CPSF6: variants seen among roughly 807,000 people sequenced by gnomAD.
CPSF6 encodes cleavage and polyadenylation specific factor 6.
In CPSF6, 10 loss-of-function variants were observed where a neutral mutation model predicts 56.7. The observed-to-expected ratio is 0.18, with a 90% CI of 0.11 to 0.30. The LOEUF (loss-of-function observed/expected upper bound fraction) is 0.30, where lower values mean the gene tolerates loss of function less well. Ranked by LOEUF, CPSF6 falls within the 10% of genes least tolerant of loss-of-function variation. CPSF6 has a pLI of 1.00. For missense variants in CPSF6, 419 were observed against 722.9 expected (o/e 0.58, Z 4.82); for synonymous variants, 248 against 244.8 (o/e 1.01, Z -0.12).
At position 69,262,529 on chromosome 12, in the gene CPSF6, T is replaced by G; in HGVS notation, c.1626T>G (p.Arg542=). The part of the protein sequence containing the change: ...RDRDRDRDRE[R]DREREYRHR ...GTGACCGAGACCGTGACCGAGAGCG[T>G]GACCGAGAGCGCGAATATCGTCATC... Residue 542 remains arginine (R), a synonymous_variant, in exon 9 of 10, where the codon CGT becomes CGG. Transcript: ENST00000435070. 1 of 1,613,576 alleles carries G rather than the reference T, an allele frequency of 6.2e-7. No individual in the cohort carries two copies. The highest frequency in any genetic ancestry group is 1.3e-5 in the African/African-American group (1 of 74,982).
rs1263425675 is a variant in CPSF6, at chr12:69,245,296, G to A, written c.60+5590G>A. ...GTGAGGAATGCATTGGGCTAAGATC[G>A]CTAAACAATAGTAATTTTTCAGCTC... On this transcript the variant is annotated intron_variant, in intron 1 of 9. Coordinates refer to ENST00000435070, the MANE Select transcript of CPSF6 (RefSeq NM_007007.3). Among the ~76,000 whole-genome samples the A allele has an allele frequency of 2.6e-5, 4 of 151,950 alleles. No homozygotes were observed. In the South Asian group the frequency reaches 6.2e-4, roughly 24 times the overall value.
rs1160175495 is a variant in CPSF6, at chr12:69,273,825, CTAT to C, written c.*4322_*4324del. Reference sequence around the variant, plus strand: ...ATAACTTTAGCCTTAAAAAAAAGGTCTATTATTCCTTCCTCTGCATCCCATGGT... The same window carrying C: ...ATAACTTTAGCCTTAAAAAAAAGGTCTATTCCTTCCTCTGCATCCCATGGT... On this transcript the variant is annotated 3_prime_UTR_variant, in exon 10 of 10. Coordinates refer to ENST00000435070, the MANE Select transcript of CPSF6 (RefSeq NM_007007.3). The C allele has an allele frequency of 1.3e-5, 2 of 151,824 alleles. No individual in the cohort carries two copies. The highest frequency in any genetic ancestry group is 2.9e-5 in the Non-Finnish European group (2 of 67,834). The allele number at this position is 151,824 out of a possible 1,614,324, so 9.4% of individuals were successfully genotyped here. A position where few individuals can be genotyped will look rare whatever the true frequency, so the allele number is the denominator to read the frequency against.
At chr12:69,253,664 T>A (rs1872361173) in intron 3 of CPSF6, among the ~76,000 whole-genome samples, 1 of 152,184 alleles carries the variant, frequency 6.6e-6, no homozygotes, top group South Asian at 2.1e-4. Context: ...AAGATTCTTT[T>A]GGGCTTTTTC....
At chr12:69,250,379 G>A (rs2120491086) in intron 1 of CPSF6, among the ~76,000 whole-genome samples, 1 of 151,698 alleles carries the variant, frequency 6.6e-6, no homozygotes, top group Middle Eastern at 3.4e-3. Flanking sequence ...AAAGTTTCAT[G>A]TTACTTATTT....
chr12:69,274,146 A>G lies in CPSF6; in HGVS notation c.*4638A>G, dbSNP rs1873395548. ...TTTTTTTGCTGTCCATGAGAATTAGACTTCATATTAGCTTCAATTAAAAAG... is the reference window on the plus strand; with the variant it reads ...TTTTTTTGCTGTCCATGAGAATTAGGCTTCATATTAGCTTCAATTAAAAAG... On this transcript the variant is annotated 3_prime_UTR_variant, in exon 10 of 10. Transcript: ENST00000435070. 7.7e-6 allele frequency: 1 copy of G among 130,338 alleles called. No homozygotes were observed. The highest frequency in any genetic ancestry group is 2.9e-5 in the African/African-American group (1 of 34,484). The allele number at this position is 130,338 out of a possible 1,614,324, so 8.1% of individuals were successfully genotyped here.
At position 69,259,749 on chromosome 12, in the gene CPSF6, A is replaced by T. The variant is rs551644525; in HGVS notation, c.1315+206A>T. On this transcript the variant is annotated intron_variant, in intron 7 of 9. Coordinates refer to ENST00000435070, the MANE Select transcript of CPSF6 (RefSeq NM_007007.3). ...AAATCCAAATTTTAAGTTATTTGGTATAGATTTAAGTCTTACCCTTGACAT... is the reference window on the plus strand; with the variant it reads ...AAATCCAAATTTTAAGTTATTTGGTTTAGATTTAAGTCTTACCCTTGACAT... 9.2e-5 allele frequency among the ~76,000 whole-genome samples: 14 copies of T among 152,312 alleles called. No individual in the cohort carries two copies. In the East Asian group the frequency reaches 2.7e-3, roughly 29 times the overall value.
At chr12:69,242,295 A>G (rs531700903) in intron 1 of CPSF6, among the ~76,000 whole-genome samples, 91 of 152,196 alleles carry the variant, frequency 6.0e-4, no homozygotes, top group African/African-American at 1.9e-3. Context: ...TCCATTTTCT[A>G]CTATTTTTTG....
Position 69,272,859 on chromosome 12 carries a change from C to G in CPSF6, c.*3351C>G, listed in dbSNP as rs192068488. 257 of 151,792 alleles carry G rather than the reference C, an allele frequency of 1.7e-3. 4 individuals carry two copies. In the East Asian group the frequency reaches 0.026, roughly 15 times the overall value. 9.4% of individuals were successfully genotyped at this position (151,792 alleles called of 1,614,324 possible). ...TTTTGTAGCAAAGCATTCTATTTTT[C>G]TGTTCTTACAGTGTGTGTGTGTGTG... On this transcript the variant is annotated 3_prime_UTR_variant, in exon 10 of 10. Coordinates refer to ENST00000435070, the MANE Select transcript of CPSF6 (RefSeq NM_007007.3).
chr12:69,248,971 G>T (rs1047067143), intron 1 of CPSF6, among the ~76,000 whole-genome samples: 1 of 151,926 alleles, frequency 6.6e-6, no homozygotes, highest in African/African-American at 2.4e-5. Context: ...TCTCGGCCGG[G>T]TGTGGTGGCT....
chr12:69,239,658 C>G lies in CPSF6; in HGVS notation c.12C>G (p.Gly4=). Reference sequence around the variant, plus strand: ...GAGGCTGAAGGAAGATGGCGGACGGCGTGGACCACATAGACATTTACGCGG... The same window carrying G: ...GAGGCTGAAGGAAGATGGCGGACGGGGTGGACCACATAGACATTTACGCGG... MAD[G]VDHIDIYADV... The change falls in exon 1 of 10, where the codon GGC becomes GGG. Residue 4 remains glycine, a synonymous_variant. Coordinates refer to ENST00000435070, the MANE Select transcript of CPSF6 (RefSeq NM_007007.3). The G allele has an allele frequency of 1.9e-6, 3 of 1,584,374 alleles. No homozygotes were observed. The highest frequency in any genetic ancestry group is 2.3e-5 in the South Asian group (2 of 87,750).
intron 1 of CPSF6, among the ~76,000 whole-genome samples, chr12:69,249,249 C>T (rs908328830): frequency 2.1e-5 from 3 of 140,116 alleles, no homozygotes; most frequent in Non-Finnish European, 3.1e-5. Context: ...CCAGCCTGGG[C>T]GACAGAGCAA....
At chr12:69,263,306 AAATCAT>A (rs1275252332) in intron 9 of CPSF6, among the ~76,000 whole-genome samples, 1 of 152,086 alleles carries the variant, frequency 6.6e-6, no homozygotes, top group Non-Finnish European at 1.5e-5. Flanking sequence ...TTTCATTCAT[AAATCAT>A]AATCATTGTC....
At position 69,271,883 on chromosome 12, in the gene CPSF6, A is replaced by G. The variant is rs180719091; in HGVS notation, c.*2375A>G. On this transcript the variant is annotated 3_prime_UTR_variant, in exon 10 of 10. Transcript: ENST00000435070. ...TCCAAAGAGATAAATCCTTGCATAGACACCAAAAACAGTGTCTCAGAGACC... is the reference window on the plus strand; with the variant it reads ...TCCAAAGAGATAAATCCTTGCATAGGCACCAAAAACAGTGTCTCAGAGACC... The G allele has an allele frequency of 2.2e-4, 33 of 151,860 alleles. No homozygotes were observed. The highest frequency in any genetic ancestry group is 7.7e-4 in the African/African-American group (32 of 41,548). 9.4% of individuals were successfully genotyped at this position (151,860 alleles called of 1,614,324 possible). A position where few individuals can be genotyped will look rare whatever the true frequency, so the allele number is the denominator to read the frequency against.
intron 2 of CPSF6, among the ~76,000 whole-genome samples, chr12:69,252,648 T>C (rs1356900913): frequency 6.6e-6 from 1 of 152,236 alleles, no homozygotes; most frequent in African/African-American, 2.4e-5. Context: ...AGATATTAAA[T>C]ACATGTTAGT....
At chr12:69,264,139 A>C (rs918268999) in intron 9 of CPSF6, among the ~76,000 whole-genome samples, 1 of 152,126 alleles carries the variant, frequency 6.6e-6, no homozygotes, top group Non-Finnish European at 1.5e-5. Context: ...CTCAATATCC[A>C]TCAGTTGCTT....
Position 69,253,060 on chromosome 12 carries a change from G to A in CPSF6, c.280G>A (p.Asp94Asn). ...YIGNLTWWTT[D>N]EDLTEAVHSL... ...GGAAAATATCTTGCAGTGGACAACA[G>A]ATGAAGACTTAACTGAAGCAGTTCA... The change falls in exon 3 of 10, where the codon GAT becomes AAT. Residue 94 changes from aspartate (D) to asparagine (N), a missense_variant. Physicochemically the swap from Asp to Asn is conservative, Grantham distance 23 (BLOSUM62 1). Coordinates refer to ENST00000435070, the MANE Select transcript of CPSF6 (RefSeq NM_007007.3). 1 of 1,571,778 alleles carries A rather than the reference G, an allele frequency of 6.4e-7. No homozygotes were observed. The highest frequency in any genetic ancestry group is 8.6e-7 in the Non-Finnish European group (1 of 1,160,220).
intron 2 of CPSF6, among the ~76,000 whole-genome samples, chr12:69,251,539 A>G (rs940711989): frequency 6.6e-6 from 1 of 152,196 alleles, no homozygotes; most frequent in African/African-American, 2.4e-5. Context: ...TTTTGTGGTC[A>G]TTCAACTTTT....
In CPSF6 at chr12:69,239,673, C is replaced by T. The variant is rs770099640; in HGVS notation, c.27C>T (p.Asp9=). The change falls in exon 1 of 10, where the codon GAC becomes GAT. Residue 9 remains aspartate (D), a synonymous_variant. Coordinates refer to ENST00000435070, the MANE Select transcript of CPSF6 (RefSeq NM_007007.3). ...TGGCGGACGGCGTGGACCACATAGA[C>T]ATTTACGCGGATGTCGGCGAAGAGT... The part of the protein sequence containing the change: MADGVDHI[D]IYADVGEEFN... 3.5e-5 allele frequency: 56 copies of T among 1,592,028 alleles called. No homozygotes were observed. Among genetic ancestry groups the T allele is most frequent in the South Asian group, 1.1e-5 (1 of 88,622 alleles).
At chr12:69,251,882 C>T (rs1872258782) in intron 2 of CPSF6, among the ~76,000 whole-genome samples, 1 of 152,034 alleles carries the variant, frequency 6.6e-6, no homozygotes, top group Non-Finnish European at 1.5e-5. Context: ...TCATTAAATG[C>T]ACATATGTAT....
Sources: allele counts gnomAD v4.1 joint callset (sites outside exome capture counted in the v4.1 genomes callset), GRCh38; gene constraint gnomAD v4.1.1; transcripts MANE v1.5; gene names NCBI Gene and HGNC (gene_info 2026-07-23, HGNC 2026-07-21).